The following ATRNL1 variants were observed in gnomAD, a reference collection of about 807,000 sequenced individuals.
ATRNL1 encodes attractin-like protein 1.
ATRNL1 carries 95 observed loss-of-function variants against 182.7 expected under a neutral mutation model. The ratio of observed to expected loss-of-function variants is 0.52; its 90% CI spans 0.44 to 0.62. The LOEUF (loss-of-function observed/expected upper bound fraction) is 0.62, where lower values mean the gene tolerates loss of function less well. Ranked by LOEUF, ATRNL1 falls within the 20% of genes least tolerant of loss-of-function variation. The pLI is 0.00. For synonymous variants in ATRNL1, 576 were observed against 568.3 expected (o/e 1.01, Z -0.19); for missense variants, 1,471 against 1,679.5 (o/e 0.88, Z 2.17).
intron 15 of ATRNL1, among the ~76,000 whole-genome samples, chr10:115,292,602 C>A (rs1554921244): frequency 6.6e-6 from 1 of 151,784 alleles, no homozygotes; most frequent in Admixed American, 6.6e-5. Flanking sequence ...AAATTTCATT[C>A]TTAATTTCTT....
At chr10:115,519,765 A>G (rs543231630) in intron 25 of ATRNL1, among the ~76,000 whole-genome samples, 5 of 152,328 alleles carry the variant, frequency 3.3e-5, no homozygotes, top group South Asian at 4.1e-4. Context: ...GTAAAATGCT[A>G]CATGTCCTAA....
chr10:115,107,820 T>C (rs2143497439), intron 1 of ATRNL1, among the ~76,000 whole-genome samples: 1 of 152,282 alleles, frequency 6.6e-6, no homozygotes, highest in South Asian at 2.1e-4. Context: ...CACCCTGGTT[T>C]GCTTGAACAG....
intron 26 of ATRNL1, among the ~76,000 whole-genome samples, chr10:115,662,623 A>G (rs1555038367): frequency 6.6e-6 from 1 of 152,168 alleles, no homozygotes; most frequent in Non-Finnish European, 1.5e-5. Flanking sequence ...TAAAATGCTT[A>G]GTTGGCAATA....
chr10:115,613,965 T>C (rs1555019897), intron 26 of ATRNL1, among the ~76,000 whole-genome samples: 1 of 152,028 alleles, frequency 6.6e-6, no homozygotes, highest in Non-Finnish European at 1.5e-5. Context: ...TTCAAACAAC[T>C]AGGTTTTTGT....
chr10:115,451,890 G>T (rs1283807285), intron 21 of ATRNL1, among the ~76,000 whole-genome samples: 2 of 152,074 alleles, frequency 1.3e-5, no homozygotes, highest in African/African-American at 4.8e-5. Flanking sequence ...ATCAGATAAA[G>T]AAAATGTGGT....
chr10:115,667,337 A>G (rs1861058143), intron 26 of ATRNL1, among the ~76,000 whole-genome samples: 1 of 152,164 alleles, frequency 6.6e-6, no homozygotes, highest in Non-Finnish European at 1.5e-5. Flanking sequence ...AACAACAATA[A>G]TGTATTCATT....
At chr10:115,365,964 G>A (rs1857014886) in intron 19 of ATRNL1, among the ~76,000 whole-genome samples, 1 of 152,168 alleles carries the variant, frequency 6.6e-6, no homozygotes, top group South Asian at 2.1e-4. Flanking sequence ...TTTAGAATAG[G>A]TGTGGTGTGG....
chr10:115,800,750 C>T (rs1166074814), intron 27 of ATRNL1, among the ~76,000 whole-genome samples: 1 of 152,184 alleles, frequency 6.6e-6, no homozygotes, highest in Non-Finnish European at 1.5e-5. Context: ...AGTTTTCTCT[C>T]TCTCTTTCTG....
At chr10:115,540,649 A>G (rs1852300398) in intron 25 of ATRNL1, among the ~76,000 whole-genome samples, 1 of 151,666 alleles carries the variant, frequency 6.6e-6, no homozygotes, top group Admixed American at 6.6e-5. Context: ...AATCCTAGCT[A>G]CTTGGGAGGC....
chr10:115,809,123 G>A (rs1312348675), intron 27 of ATRNL1, among the ~76,000 whole-genome samples: 10 of 151,906 alleles, frequency 6.6e-5, no homozygotes, highest in African/African-American at 2.4e-4. Flanking sequence ...TAACCACTTT[G>A]TTGCAAATCA....
intron 21 of ATRNL1, among the ~76,000 whole-genome samples, chr10:115,437,762 G>A (rs1846471607): frequency 6.6e-6 from 1 of 151,934 alleles, no homozygotes; most frequent in South Asian, 2.1e-4. Context: ...AAATCCTTCA[G>A]AATTCATTCA....
chr10:115,937,735 A>G (rs1436870024), intron 28 of ATRNL1, among the ~76,000 whole-genome samples: 1 of 152,220 alleles, frequency 6.6e-6, no homozygotes, highest in Non-Finnish European at 1.5e-5. Flanking sequence ...ACATCCCAGC[A>G]TGGTATTTCC....
intron 27 of ATRNL1, among the ~76,000 whole-genome samples, chr10:115,731,090 C>T (rs1398038735): frequency 6.6e-6 from 1 of 152,180 alleles, no homozygotes; most frequent in Non-Finnish European, 1.5e-5. Flanking sequence ...TCCCAGCCCA[C>T]TGACTCAAAT....
chr10:115,934,217 A>C (rs546577749), intron 28 of ATRNL1, among the ~76,000 whole-genome samples: 3 of 152,298 alleles, frequency 2.0e-5, no homozygotes, highest in Non-Finnish European at 4.4e-5. Flanking sequence ...ACAGCCTGCC[A>C]CCAATCAGGA....
chr10:115,525,039 T>C (rs1241327108), intron 25 of ATRNL1, among the ~76,000 whole-genome samples: 4 of 152,220 alleles, frequency 2.6e-5, no homozygotes, highest in Non-Finnish European at 5.9e-5. Flanking sequence ...TTCAAAATGT[T>C]TCAGGGACCT....
At chr10:115,832,092 T>G (rs1589574651) in intron 27 of ATRNL1, among the ~76,000 whole-genome samples, 1 of 152,092 alleles carries the variant, frequency 6.6e-6, no homozygotes, top group Admixed American at 6.6e-5. Flanking sequence ...TCATAGAAAA[T>G]TTGAGGGTTA....
chr10:115,800,428 T>C (rs1157179484), intron 27 of ATRNL1, among the ~76,000 whole-genome samples: 2 of 152,024 alleles, frequency 1.3e-5, no homozygotes, highest in Admixed American at 6.6e-5. Flanking sequence ...AGAAGAAAAG[T>C]AGGGAAAGAA....
chr10:115,113,783 C>G (rs1844360291), intron 1 of ATRNL1, among the ~76,000 whole-genome samples: 1 of 152,110 alleles, frequency 6.6e-6, no homozygotes, highest in Admixed American at 6.6e-5. Context: ...GATGCTAATA[C>G]ACTAATCTTA....
chr10:115,326,567 G>A (rs1854893774), intron 18 of ATRNL1, among the ~76,000 whole-genome samples: 1 of 151,726 alleles, frequency 6.6e-6, no homozygotes, highest in African/African-American at 2.4e-5. Flanking sequence ...TTTCTTCACA[G>A]AATTGGAAAA....
Sources: allele counts gnomAD v4.1 joint callset (sites outside exome capture counted in the v4.1 genomes callset), GRCh38; gene constraint gnomAD v4.1.1; transcripts MANE v1.5; gene names NCBI Gene and HGNC (gene_info 2026-07-23, HGNC 2026-07-21).